FAM184B: variants seen among roughly 807,000 people sequenced by gnomAD.
The protein encoded by FAM184B is protein FAM184B.
A neutral mutation model predicts 135.9 loss-of-function variants in FAM184B; 111 were observed. That is an observed-to-expected ratio of 0.82 (90% CI 0.70 to 0.96). The LOEUF (loss-of-function observed/expected upper bound fraction) is 0.96. Among genes scored for constraint, FAM184B ranks in the 40% least tolerant of loss-of-function variants. FAM184B has a pLI of 0.00. For missense variants in FAM184B, 1,375 were observed against 1,323.9 expected, an observed-to-expected ratio of 1.04 and a Z score of -0.60; for synonymous variants, 552 against 524.8, an observed-to-expected ratio of 1.05 and a Z score of -0.71.
Position 17,768,093 on chromosome 4 carries a change from A to T in FAM184B, c.141+13066T>A, listed in dbSNP as rs756241582. ...AATTAGAATTACATATAATTTTCCAACTGTCACAGAAGTTCTTTTGATTTT... is the reference window on the plus strand; with the variant it reads ...AATTAGAATTACATATAATTTTCCATCTGTCACAGAAGTTCTTTTGATTTT... On this transcript the variant is annotated intron_variant, in intron 1 of 17. Coordinates refer to ENST00000265018, the MANE Select transcript of FAM184B (RefSeq NM_015688.2). Among the ~76,000 whole-genome samples, 4 of 152,352 alleles carry T rather than the reference A, an allele frequency of 2.6e-5. No individual in the cohort carries two copies. In the East Asian group the frequency reaches 7.7e-4, roughly 29 times the overall value.
intron 15 of FAM184B, 24 bp from the exon 16 acceptor site, chr4:17,635,137 C>T (rs1386005966): frequency 6.6e-7 from 1 of 1,520,044 alleles, no homozygotes; most frequent in African/African-American, 1.4e-5. Context: ...ACAACTGAGT[C>T]TAAATGAGCC....
At chr4:17,699,739 G>A (rs1716942857) in intron 5 of FAM184B, among the ~76,000 whole-genome samples, 1 of 152,050 alleles carries the variant, frequency 6.6e-6, no homozygotes, top group East Asian at 1.9e-4. Context: ...GGCACTTGAA[G>A]CCACCAAAGG....
intron 1 of FAM184B, among the ~76,000 whole-genome samples, chr4:17,723,200 T>C (rs903066744): frequency 6.6e-6 from 1 of 152,194 alleles, no homozygotes; most frequent in Admixed American, 6.5e-5. Flanking sequence ...AATATAAACA[T>C]ATTGAATGCT....
At chr4:17,733,580 T>C (rs1362079490) in intron 1 of FAM184B, among the ~76,000 whole-genome samples, 1 of 152,270 alleles carries the variant, frequency 6.6e-6, no homozygotes, top group South Asian at 2.1e-4. Flanking sequence ...CCATTCACAA[T>C]TGCTTCAAAG....
At chr4:17,652,508 G>A (rs1715648716) in intron 11 of FAM184B, among the ~76,000 whole-genome samples, 1 of 152,214 alleles carries the variant, frequency 6.6e-6, no homozygotes, top group East Asian at 1.9e-4. Context: ...AAAGGAAAAT[G>A]AGACTCACAG....
At chr4:17,762,423 C>T (rs948012561) in intron 1 of FAM184B, among the ~76,000 whole-genome samples, 1 of 152,182 alleles carries the variant, frequency 6.6e-6, no homozygotes, top group South Asian at 2.1e-4. Context: ...AGGGGATCTG[C>T]CCTAGCTTCA....
At position 17,632,426 on chromosome 4, in the gene FAM184B, T is replaced by C; in HGVS notation, c.*106A>G. 1 of 958,530 alleles carries C rather than the reference T, an allele frequency of 1.0e-6. No homozygotes were observed. The highest frequency in any genetic ancestry group is 1.5e-6 in the Non-Finnish European group (1 of 645,310). The allele number at this position is 958,530 out of a possible 1,614,324, so 59.4% of individuals were successfully genotyped here. Reference sequence around the variant, plus strand: ...ATTTGTTTTAGCTATCATATATAAATCATAAGCATATTATTTGGTTGGTTG... The same window carrying C: ...ATTTGTTTTAGCTATCATATATAAACCATAAGCATATTATTTGGTTGGTTG... On this transcript the variant is annotated 3_prime_UTR_variant, in exon 18 of 18. Coordinates refer to ENST00000265018, the MANE Select transcript of FAM184B (RefSeq NM_015688.2).
intron 1 of FAM184B, among the ~76,000 whole-genome samples, chr4:17,754,741 GTGT>G (rs1301234275): frequency 3.3e-5 from 5 of 152,052 alleles, no homozygotes; most frequent in African/African-American, 1.2e-4. Flanking sequence ...ATTGTTGGTA[GTGT>G]TATTATTGTC....
At chr4:17,765,108 C>T (rs566874539) in intron 1 of FAM184B, among the ~76,000 whole-genome samples, 2 of 152,286 alleles carry the variant, frequency 1.3e-5, no homozygotes, top group South Asian at 2.1e-4. Flanking sequence ...CTTGAAACTA[C>T]GAGTGTTGCT....
rs984143548 is a variant in FAM184B at position 17,734,304 on chromosome 4, TG to T, written c.142-24661del. Among the ~76,000 whole-genome samples the T allele has an allele frequency of 4.9e-4, 75 of 152,198 alleles. No individual in the cohort carries two copies. The Middle Eastern group carries it at 0.01, about 21-fold the overall frequency. On this transcript the variant is annotated intron_variant, in intron 1 of 17. Coordinates refer to ENST00000265018, the MANE Select transcript of FAM184B (RefSeq NM_015688.2). ...TTCATGTCTAAAACACCAAAAGCAATGGCAACAAAAGCCAAAATTGACAAGT... is the reference window on the plus strand; with the variant it reads ...TTCATGTCTAAAACACCAAAAGCAATGCAACAAAAGCCAAAATTGACAAGT...
chr4:17,708,669 A>G (rs1441984519), intron 2 of FAM184B, among the ~76,000 whole-genome samples: 17 of 24,918 alleles, frequency 6.8e-4, no homozygotes, highest in Admixed American at 1.5e-3. Flanking sequence ...AAAACTATAT[A>G]TATATATATA....
intron 1 of FAM184B, among the ~76,000 whole-genome samples, chr4:17,746,719 G>A (rs1449947415): frequency 1.4e-5 from 2 of 142,182 alleles, no homozygotes; most frequent in Non-Finnish European, 3.0e-5. Context: ...GCGACAGAGC[G>A]AGACACGGTC....
intron 1 of FAM184B, among the ~76,000 whole-genome samples, chr4:17,765,538 G>A (rs1577294790): frequency 1.3e-5 from 2 of 149,422 alleles, no homozygotes; most frequent in Non-Finnish European, 2.9e-5. Context: ...GTTCTTAGCA[G>A]CATATCAAAA....
chr4:17,778,968 A>G (rs1718982032), intron 1 of FAM184B, among the ~76,000 whole-genome samples: 1 of 152,248 alleles, frequency 6.6e-6, no homozygotes, highest in Non-Finnish European at 1.5e-5. Flanking sequence ...CATGGGAAGA[A>G]ACAATTACAT....
intron 7 of FAM184B, among the ~76,000 whole-genome samples, chr4:17,686,816 C>T (rs947106034): frequency 2.6e-5 from 4 of 152,162 alleles, no homozygotes; most frequent in African/African-American, 7.2e-5. Flanking sequence ...GTGGCATGCA[C>T]ATGAGGTCCC....
intron 7 of FAM184B, among the ~76,000 whole-genome samples, chr4:17,687,982 C>T (rs1014177007): frequency 4.6e-5 from 7 of 152,100 alleles, no homozygotes; most frequent in East Asian, 1.9e-4. Context: ...TACCCTCAAG[C>T]GGCGTCCCTG....
intron 1 of FAM184B, among the ~76,000 whole-genome samples, chr4:17,716,722 A>G (rs1717407032): frequency 6.6e-6 from 1 of 152,082 alleles, no homozygotes; most frequent in Non-Finnish European, 1.5e-5. Context: ...AATCATTTCA[A>G]TTACATTCTT....
chr4:17,747,404 C>T (rs543542797), intron 1 of FAM184B, among the ~76,000 whole-genome samples: 3 of 152,162 alleles, frequency 2.0e-5, no homozygotes, highest in Non-Finnish European at 2.9e-5. Context: ...CTGGCACGGA[C>T]GTTATTTTAG....
At chr4:17,670,730 T>C (rs1281062740) in intron 7 of FAM184B, among the ~76,000 whole-genome samples, 1 of 152,204 alleles carries the variant, frequency 6.6e-6, no homozygotes, top group Non-Finnish European at 1.5e-5. Context: ...GATTTACAGA[T>C]GGGGAATTAA....
Sources: allele counts gnomAD v4.1 joint callset (sites outside exome capture counted in the v4.1 genomes callset), GRCh38; gene constraint gnomAD v4.1.1; transcripts MANE v1.5; gene names NCBI Gene and HGNC (gene_info 2026-07-23, HGNC 2026-07-21).